CROCC: variants seen among roughly 807,000 people sequenced by gnomAD.
The protein encoded by CROCC is rootletin.
CROCC carries 180 observed loss-of-function variants against 245.2 expected under a neutral mutation model. The observed-to-expected ratio is 0.73, with a 90% CI of 0.65 to 0.83. The LOEUF (loss-of-function observed/expected upper bound fraction) is 0.83, where lower values mean the gene tolerates loss of function less well. CROCC is among the 40% of genes least tolerant of loss of function. The pLI is 0.00. For missense variants in CROCC, 2,688 were observed against 2,779.4 expected (o/e 0.97, Z 0.74); for synonymous variants, 1,205 against 1,241.6 (o/e 0.97, Z 0.62).
chr1:16,945,125 C>A (rs7518718), intron 14 of CROCC, among the ~76,000 whole-genome samples: 152 of 152,300 alleles, frequency 1.0e-3, no homozygotes, highest in Middle Eastern at 3.4e-3. Flanking sequence ...CCCAGCTACT[C>A]GGGAGGCTGA....
chr1:16,968,546 C>T, intron 31 of CROCC, 128 bp downstream of exon 31: 1 of 974,962 alleles, frequency 1.0e-6, no homozygotes, highest in Non-Finnish European at 1.4e-6. Flanking sequence ...CACAGATGGA[C>T]AAATGGAGGC....
intron 14 of CROCC, among the ~76,000 whole-genome samples, chr1:16,945,146 T>C (rs1408454457): frequency 2.0e-5 from 3 of 152,266 alleles, no homozygotes; most frequent in Non-Finnish European, 2.9e-5. Flanking sequence ...GGCAGGAGAA[T>C]TGCTTGAACC....
At chr1:16,924,272 AG>A (rs2075478332) in intron 2 of CROCC, 52 bp from the exon 3 acceptor site, 3 of 1,588,594 alleles carry the variant, frequency 1.9e-6, no homozygotes, top group African/African-American at 2.7e-5. Flanking sequence ...TGTTGGGGGG[AG>A]GATGTCCCAC....
At chr1:16,939,833 G>A (rs923481889) in intron 12 of CROCC, 61 bp from the exon 13 acceptor site, 1 of 1,543,620 alleles carries the variant, frequency 6.5e-7, no homozygotes, top group African/African-American at 1.3e-5. Context: ...AACCAGAAGA[G>A]AGTAGGTGGC....
At chr1:16,934,714 A>C (rs1446613557) in intron 8 of CROCC, among the ~76,000 whole-genome samples, 1 of 152,256 alleles carries the variant, frequency 6.6e-6, no homozygotes, top group Non-Finnish European at 1.5e-5. Context: ...GTACACAGTA[A>C]AATGGCTCCC....
chr1:16,958,235 G>T (rs76912522), intron 25 of CROCC, among the ~76,000 whole-genome samples: 2 of 152,142 alleles, frequency 1.3e-5, no homozygotes, highest in Non-Finnish European at 2.9e-5. Flanking sequence ...CATGGTAAGC[G>T]CTCCAAAAAC....
chr1:16,927,534 A>G (rs1292556091), intron 3 of CROCC, among the ~76,000 whole-genome samples: 2 of 152,274 alleles, frequency 1.3e-5, no homozygotes, highest in Admixed American at 6.5e-5. Context: ...GCGCCACAAC[A>G]TAGACCTTCA....
rs780931244 is a variant in CROCC, at chr1:16,922,014, C to T, written c.-5C>T. 2 of 1,550,644 alleles carry T rather than the reference C, an allele frequency of 1.3e-6. No homozygotes were observed. ...GGCTGGAGGCATGCCCACAGCCTCCCCCCCATGAGCTTGGGGCTGGCGGGG... is the reference window on the plus strand; with the variant it reads ...GGCTGGAGGCATGCCCACAGCCTCCTCCCCATGAGCTTGGGGCTGGCGGGG... On this transcript the variant is annotated 5_prime_UTR_variant, in exon 1 of 37. Coordinates refer to ENST00000375541, the MANE Select transcript of CROCC (RefSeq NM_014675.5).
At chr1:16,924,604 A>G in intron 3 of CROCC, 125 bp downstream of exon 3, 9 of 1,310,782 alleles carry the variant, frequency 6.9e-6, no homozygotes, top group Non-Finnish European at 9.4e-6. Flanking sequence ...CTGGGCTTGG[A>G]TTGAGGCTCT....
Position 16,971,210 on chromosome 1 carries a change from A to AGTGTGT in CROCC, c.5785-218_5785-213dup, listed in dbSNP as rs34364208. Among the ~76,000 whole-genome samples, 706 of 144,116 alleles carry AGTGTGT rather than the reference A, an allele frequency of 4.9e-3. 6 individuals are homozygous for AGTGTGT. Among genetic ancestry groups the AGTGTGT allele is most frequent in the Middle Eastern group, 7.1e-3 (2 of 282 alleles). 94.5% of individuals were successfully genotyped at this position (144,116 alleles called of 152,430 possible). A position where few individuals can be genotyped will look rare whatever the true frequency, so the allele number is the denominator to read the frequency against. On this transcript the variant is annotated intron_variant, in intron 35 of 36. Transcript: ENST00000375541. ...TTTGTGCCTGTGTGTATGATGTCTG[A>AGTGTGT]GTGTGTGTGTGTGTGTGTGTGTGTG... is the stretch of plus-strand genomic sequence containing the variant.
In CROCC at chr1:16,928,018, C is replaced by T. The variant is rs146652978; in HGVS notation, c.352-1828C>T. On this transcript the variant is annotated intron_variant, in intron 3 of 36. Coordinates refer to ENST00000375541, the MANE Select transcript of CROCC (RefSeq NM_014675.5). ...CATCTCTCAGCATATGGGGTCAATGCAGGCCTGGAGGGCACCTTCCCTACC... is the reference window on the plus strand; with the variant it reads ...CATCTCTCAGCATATGGGGTCAATGTAGGCCTGGAGGGCACCTTCCCTACC... Among the ~76,000 whole-genome samples the T allele has an allele frequency of 6.5e-3, 995 of 152,248 alleles. 1 individual carries two copies. The highest frequency in any genetic ancestry group is 0.01 in the Middle Eastern group (3 of 294).
intron 27 of CROCC, among the ~76,000 whole-genome samples, chr1:16,962,271 C>T (rs549735792): frequency 1.3e-5 from 2 of 150,828 alleles, no homozygotes; most frequent in African/African-American, 2.4e-5. Context: ...CAAGGCTGGG[C>T]GCGGTGGCTC....
chr1:16,951,060 G>A lies in CROCC; in HGVS notation c.2944G>A (p.Ala982Thr). Residue 982 changes from alanine (A) to threonine (T), a missense_variant, in exon 20 of 37, where the codon GCC (alanine) becomes ACC (threonine). This residue lies in a region of CROCC where 106 missense variants were observed against 126.1 expected (regional missense o/e 0.84). Coordinates refer to ENST00000375541, the MANE Select transcript of CROCC (RefSeq NM_014675.5). The stretch of plus-strand genomic sequence containing the variant: ...GGTGCAGGCTGAGCGGGAGGCCCAG[G>A]CCTCTCTGCGGGAGCAGCGGGCAGC... ...KLVQAEREAQ[A>T]SLREQRAAHE... 3 of 1,605,776 alleles carry A rather than the reference G, an allele frequency of 1.9e-6. No homozygotes were observed. The highest frequency in any genetic ancestry group is 2.5e-6 in the Non-Finnish European group (3 of 1,177,004).
At chr1:16,953,126 A>C in intron 20 of CROCC, 176 bp from the exon 21 acceptor site, 3 of 623,740 alleles carry the variant, frequency 4.8e-6, no homozygotes, top group Non-Finnish European at 8.3e-6. Context: ...GCTCCTTGGC[A>C]CTTTCACGGC....
Position 16,944,113 on chromosome 1 carries a change from C to G in CROCC, c.1822C>G (p.Leu608Val), listed in dbSNP as rs1437150513. 5.1e-6 allele frequency: 8 copies of G among 1,555,742 alleles called. No individual in the cohort carries two copies. The highest frequency in any genetic ancestry group is 3.5e-6 in the Non-Finnish European group (4 of 1,149,186). The part of the protein sequence containing the change: ...NELLSREKSN[L>V]AHSLQVAQQQ... Reference sequence around the variant, plus strand: ...CTTGTCCTGAAGGGAGAAGAGCAACCTGGCCCACAGCCTGCAGGTGGCCCA... The same window carrying G: ...CTTGTCCTGAAGGGAGAAGAGCAACGTGGCCCACAGCCTGCAGGTGGCCCA... The change falls in exon 14 of 37, where the codon CTG (leucine) becomes GTG (valine). Residue 608 changes from leucine to valine, a missense_variant. Physicochemically the swap from Leu to Val is conservative, Grantham distance 32 (BLOSUM62 1). Coordinates refer to ENST00000375541, the MANE Select transcript of CROCC (RefSeq NM_014675.5).
At chr1:16,921,897 G>A (rs1481764804), upstream of CROCC, 11 of 1,077,328 alleles carry the variant, frequency 1.0e-5, no homozygotes, top group Admixed American at 4.5e-5. Context: ...TGGGGGCGCC[G>A]CCGGATTTAA....
rs189475626 is a variant in CROCC, at chr1:16,970,153, G to A, written c.5452-100G>A. The A allele has an allele frequency of 7.7e-5, 100 of 1,295,276 alleles. No homozygotes were observed. In the Admixed American group the frequency reaches 1.2e-3, roughly 15 times the overall value. 80.2% of individuals were successfully genotyped at this position (1,295,276 alleles called of 1,614,324 possible). On this transcript the variant is annotated intron_variant, in intron 33 of 36. Transcript: ENST00000375541. ...ACAATTCTCTGATGTGGGCCTCACCGTCGCCTGCTCTGTGAGTGGGCCAGC... is the reference window on the plus strand; with the variant it reads ...ACAATTCTCTGATGTGGGCCTCACCATCGCCTGCTCTGTGAGTGGGCCAGC...
chr1:16,943,369 T>A (rs1217268951), intron 13 of CROCC, among the ~76,000 whole-genome samples: 2 of 152,280 alleles, frequency 1.3e-5, no homozygotes, highest in Non-Finnish European at 2.9e-5. Flanking sequence ...AACCCCCATC[T>A]CTACTAAAAA....
At chr1:16,948,210 A>T in intron 17 of CROCC, 121 bp from the exon 18 acceptor site, 1 of 1,430,760 alleles carries the variant, frequency 7.0e-7, no homozygotes, top group East Asian at 2.5e-5. Flanking sequence ...ACATCAGGGC[A>T]GACCCTGGGC....
Sources: gnomAD v4.1 joint callset for allele counts (sites outside exome capture counted in the v4.1 genomes callset) on GRCh38, gnomAD v4.1.1 for gene constraint, gnomAD v4.1.1 regional missense constraint, MANE v1.5 for transcripts, NCBI Gene and HGNC (gene_info 2026-07-23, HGNC 2026-07-21) for gene names.